CLEC4E: variants seen among roughly 807,000 people sequenced by gnomAD.
The protein encoded by CLEC4E is C-type lectin domain family 4 member E, also known as C-type (calcium dependent, carbohydrate-recognition domain) lectin, superfamily member 9.
In CLEC4E, 21 loss-of-function variants were observed where a neutral mutation model predicts 24.7. The observed-to-expected ratio is 0.85, with a 90% CI of 0.60 to 1.22. The LOEUF (loss-of-function observed/expected upper bound fraction) is 1.22, where lower values mean the gene tolerates loss of function less well. Among genes scored for constraint, CLEC4E ranks in the 50% most tolerant of loss-of-function variants. The pLI is 0.00. For synonymous variants in CLEC4E, 94 were observed against 85.7 expected (o/e 1.10, Z -0.54); for missense variants, 249 against 254.1 (o/e 0.98, Z 0.14).
Position 8,540,814 on chromosome 12 carries a change from GT to G in CLEC4E, c.-18del. ...TGAATTCATTTTTTCTCTCTCTTTG[GT>G]TTTTTGTTTCTCTCTCTCTCTTTTT... On this transcript the variant is annotated 5_prime_UTR_variant, in exon 1 of 6. Transcript: ENST00000299663. 1 of 1,540,094 alleles carries G rather than the reference GT, an allele frequency of 6.5e-7. No homozygotes were observed. Among genetic ancestry groups the G allele is most frequent in the Non-Finnish European group, 8.9e-7 (1 of 1,128,228 alleles).
In CLEC4E at chr12:8,537,238, G is replaced by T; in HGVS notation, c.249C>A (p.Asn83Lys). The change falls in exon 4 of 6, where the codon AAC becomes AAA. Residue 83 changes from asparagine (N) to lysine (K), a missense_variant. Physicochemically the swap from Asn to Lys is moderately conservative, Grantham distance 94. Coordinates refer to ENST00000299663, the MANE Select transcript of CLEC4E (RefSeq NM_014358.4). ...AGCAGCTGGATTGAAAATATTCCCA[G>T]TTCAATGGACAACAATTCTTGACTG... is the stretch of plus-strand genomic sequence containing the variant. ...SGSVKNCCPL[N>K]WEYFQSSCYF... 6.2e-7 allele frequency: 1 copy of T among 1,613,724 alleles called. No homozygotes were observed. Among genetic ancestry groups the T allele is most frequent in the Non-Finnish European group, 8.5e-7 (1 of 1,179,704 alleles).
At position 8,537,258 on chromosome 12, in the gene CLEC4E, T is replaced by C. The variant is rs1565496012; in HGVS notation, c.229A>G (p.Lys77Glu). The C allele has an allele frequency of 1.2e-6, 2 of 1,613,496 alleles. No individual in the cohort carries two copies. Among genetic ancestry groups the C allele is most frequent in the Non-Finnish European group, 1.7e-6 (2 of 1,179,526 alleles). Residue 77 changes from lysine (K) to glutamate (E), a missense_variant, in exon 4 of 6, where the codon AAG (lysine) becomes GAG (glutamate). Transcript: ENST00000299663. ...SCYNYGSGSV[K>E]NCCPLNWEYF... is the part of the protein sequence containing the mutation. ...TCCCAGTTCAATGGACAACAATTCT[T>C]GACTGAACCTAGGATGAGAGATGTT... is the stretch of plus-strand genomic sequence containing the variant.
chr12:8,534,475 C>T lies in CLEC4E; in HGVS notation c.*163G>A. ...AGAGAAAATGCACTTCAGCCAGTAA[C>T]ATGAATTATAACATTTAAAACTACT... On this transcript the variant is annotated 3_prime_UTR_variant, in exon 6 of 6. Transcript: ENST00000299663. 1.9e-6 allele frequency: 1 copy of T among 517,914 alleles called. No homozygotes were observed. Among genetic ancestry groups the T allele is most frequent in the Non-Finnish European group, 3.4e-6 (1 of 297,202 alleles). 32.1% of individuals were successfully genotyped at this position (517,914 alleles called of 1,614,324 possible).
At chr12:8,536,849 G>A (rs1027349575) in intron 4 of CLEC4E, among the ~76,000 whole-genome samples, 1 of 152,078 alleles carries the variant, frequency 6.6e-6, no homozygotes, top group Non-Finnish European at 1.5e-5. Flanking sequence ...TAAACATAAC[G>A]ATTCGTCTAA....
At chr12:8,536,010 C>T in intron 5 of CLEC4E, 80 bp downstream of exon 5, 2 of 795,850 alleles carry the variant, frequency 2.5e-6, no homozygotes, top group South Asian at 1.5e-5. Context: ...GCATTTAATA[C>T]CACCACCAAT....
chr12:8,538,133 T>C (rs1269279084), intron 3 of CLEC4E, among the ~76,000 whole-genome samples: 1 of 152,166 alleles, frequency 6.6e-6, no homozygotes, highest in Non-Finnish European at 1.5e-5. Context: ...TTCCTTTCCC[T>C]GGGGGAGTTT....
Position 8,540,771 on chromosome 12 carries a change from T to G in CLEC4E, c.27A>C (p.Thr9=), listed in dbSNP as rs1260936078. 6.2e-7 allele frequency: 1 copy of G among 1,610,176 alleles called. No individual in the cohort carries two copies. Among genetic ancestry groups the G allele is most frequent in the African/African-American group, 1.3e-5 (1 of 74,856 alleles). ...AGTTGCAGATTTTACCTGTGCATTG[T>G]GTTTCAGATGATTTAGATGAATTCA... MNSSKSSE[T]QCTERGCFSS... Residue 9 remains threonine (T), a synonymous_variant, in exon 1 of 6, where the codon ACA becomes ACC. Coordinates refer to ENST00000299663, the MANE Select transcript of CLEC4E (RefSeq NM_014358.4).
chr12:8,540,135 C>T (rs1050756581), intron 1 of CLEC4E, among the ~76,000 whole-genome samples, 188 bp from the exon 2 acceptor site: 3 of 152,150 alleles, frequency 2.0e-5, no homozygotes, highest in African/African-American at 4.8e-5. Flanking sequence ...TGACCCTTAC[C>T]CCCAGAGTTA....
At chr12:8,537,900 C>G (rs184132538) in intron 3 of CLEC4E, among the ~76,000 whole-genome samples, 2 of 152,152 alleles carry the variant, frequency 1.3e-5, no homozygotes, top group African/African-American at 2.4e-5. Context: ...AAAACCAGGC[C>G]GTACAGAGCT....
intron 3 of CLEC4E, 138 bp from the exon 4 acceptor site, chr12:8,537,404 AG>A: frequency 9.2e-6 from 6 of 649,332 alleles, no homozygotes; most frequent in Non-Finnish European, 1.5e-5. Context: ...TTAGTATCTA[AG>A]ACTTTAGATA....
At chr12:8,536,381 C>T (rs910994189) in intron 4 of CLEC4E, among the ~76,000 whole-genome samples, 176 bp from the exon 5 acceptor site, 1 of 152,054 alleles carries the variant, frequency 6.6e-6, no homozygotes, top group African/African-American at 2.4e-5. Context: ...CATGGCGAAA[C>T]CCTGTCTCTA....
chr12:8,538,110 G>A (rs1012868132), intron 3 of CLEC4E, among the ~76,000 whole-genome samples: 4 of 152,330 alleles, frequency 2.6e-5, no homozygotes, highest in East Asian at 3.9e-4. Flanking sequence ...TTAGCAGACA[G>A]GAAAAGGGAG....
In CLEC4E at chr12:8,540,861, T is replaced by G; in HGVS notation, c.-64A>C. 9.5e-7 allele frequency: 1 copy of G among 1,047,438 alleles called. No individual in the cohort carries two copies. Among genetic ancestry groups the G allele is most frequent in the Middle Eastern group, 2.4e-4 (1 of 4,094 alleles). 64.9% of individuals were successfully genotyped at this position (1,047,438 alleles called of 1,614,324 possible). A position where few individuals can be genotyped will look rare whatever the true frequency, so the allele number is the denominator to read the frequency against. ...TTTTTCTCTCCCTCCCTCTCTTTCTTTCTCCTCAGGAGTGTTTTGTTGGTA... is the reference window on the plus strand; with the variant it reads ...TTTTTCTCTCCCTCCCTCTCTTTCTGTCTCCTCAGGAGTGTTTTGTTGGTA... On this transcript the variant is annotated 5_prime_UTR_variant, in exon 1 of 6. Transcript: ENST00000299663.
intron 2 of CLEC4E, 38 bp downstream of exon 2, chr12:8,539,817 C>G (rs779412850): frequency 7.7e-7 from 1 of 1,300,108 alleles, no homozygotes; most frequent in Non-Finnish European, 1.1e-6. Context: ...TAATATGCAC[C>G]AGGAAGAATT....
intron 2 of CLEC4E, among the ~76,000 whole-genome samples, 155 bp downstream of exon 2, chr12:8,539,700 T>C (rs768758582): frequency 3.3e-5 from 5 of 152,026 alleles, no homozygotes; most frequent in Non-Finnish European, 5.9e-5. Flanking sequence ...TTGAGGTTTC[T>C]GGTTTGAGAA....
chr12:8,540,264 A>G (rs529344766), intron 1 of CLEC4E, among the ~76,000 whole-genome samples: 12 of 152,180 alleles, frequency 7.9e-5, no homozygotes, highest in Non-Finnish European at 1.8e-4. Flanking sequence ...ACTCAGATAT[A>G]CAATTTTTCC....
Position 8,534,438 on chromosome 12 carries a change from A to G in CLEC4E, c.*200T>C. ...TTGTAAATTCTGGGAAGAGGACCTG[A>G]GACTAACGTAGAGAGAAAATGCACT... On this transcript the variant is annotated 3_prime_UTR_variant, in exon 6 of 6. Coordinates refer to ENST00000299663, the MANE Select transcript of CLEC4E (RefSeq NM_014358.4). 1 of 412,264 alleles carries G rather than the reference A, an allele frequency of 2.4e-6. No homozygotes were observed. Among genetic ancestry groups the G allele is most frequent in the Non-Finnish European group, 4.3e-6 (1 of 231,224 alleles). 25.5% of individuals were successfully genotyped at this position (412,264 alleles called of 1,614,324 possible).
At chr12:8,539,174 G>T (rs1334323622) in intron 3 of CLEC4E, 43 bp downstream of exon 3, 1 of 1,348,714 alleles carries the variant, frequency 7.4e-7, no homozygotes, top group Non-Finnish European at 1.1e-6. Flanking sequence ...GCCAGAAAAT[G>T]TTGCTTTGTA....
chr12:8,536,868 C>T (rs1430194060), intron 4 of CLEC4E, among the ~76,000 whole-genome samples: 1 of 152,194 alleles, frequency 6.6e-6, no homozygotes, highest in Admixed American at 6.5e-5. Context: ...AAAATTAACA[C>T]TTCCAACCCT....
Sources: allele counts gnomAD v4.1 joint callset (sites outside exome capture counted in the v4.1 genomes callset), GRCh38; gene constraint gnomAD v4.1.1; transcripts MANE v1.5; gene names NCBI Gene and HGNC (gene_info 2026-07-23, HGNC 2026-07-21).